Variants in AUTS2 observed in about 807,000 individuals in gnomAD.
AUTS2 encodes the protein autism susceptibility gene 2 protein.
A neutral mutation model predicts 112.4 loss-of-function variants in AUTS2; 17 were observed. The ratio of observed to expected loss-of-function variants is 0.15; its 90% confidence interval spans 0.10 to 0.23. AUTS2 has a LOEUF of 0.23. Among genes scored for constraint, AUTS2 ranks in the 10% least tolerant of loss-of-function variants. The pLI is 1.00. For synonymous variants in AUTS2, 751 were observed against 702.7 expected (o/e 1.07, Z -1.09); for missense variants, 1,510 against 1,701.6 (o/e 0.89, Z 1.98).
At chr7:70,438,431 C>T (rs1042868756) in intron 5 of AUTS2, among the ~76,000 whole-genome samples, 2 of 152,156 alleles carry the variant, frequency 1.3e-5, no homozygotes, top group African/African-American at 2.4e-5. Context: ...TTCCTTTCTA[C>T]TGTGGTGATC....
At chr7:70,598,768 C>T (rs1803323940) in intron 5 of AUTS2, among the ~76,000 whole-genome samples, 1 of 152,144 alleles carries the variant, frequency 6.6e-6, no homozygotes. Context: ...TTTCCAAATT[C>T]CCTTTTTTTT....
At chr7:70,487,666 T>C (rs955038353) in intron 5 of AUTS2, among the ~76,000 whole-genome samples, 10 of 152,170 alleles carry the variant, frequency 6.6e-5, no homozygotes, top group Non-Finnish European at 1.2e-4. Flanking sequence ...TGAATAGGAA[T>C]GTGTGTTTGC....
chr7:70,363,465 G>GAAAAAAAAAAAAAAAAAAAAA (rs369462886), intron 4 of AUTS2, among the ~76,000 whole-genome samples: 1 of 110,774 alleles, frequency 9.0e-6, no homozygotes, highest in Non-Finnish European at 1.9e-5. Flanking sequence ...ATAAAAAAAA[G>GAAAAAAAAAAAAAAAAAAAAA]AAAAAAAAAA....
At chr7:70,608,439 A>G (rs536144371) in intron 5 of AUTS2, among the ~76,000 whole-genome samples, 1 of 152,300 alleles carries the variant, frequency 6.6e-6, no homozygotes, top group South Asian at 2.1e-4. Flanking sequence ...AAAAACTGGC[A>G]TCCTGTGGTT....
intron 1 of AUTS2, among the ~76,000 whole-genome samples, chr7:69,883,133 C>T (rs551300905): frequency 3.9e-5 from 6 of 152,198 alleles, no homozygotes; most frequent in South Asian, 4.2e-4. Flanking sequence ...CAGATGTAAC[C>T]GCCACCAATA....
chr7:69,806,614 G>C (rs1790320419), intron 1 of AUTS2, among the ~76,000 whole-genome samples: 1 of 152,098 alleles, frequency 6.6e-6, no homozygotes, highest in African/African-American at 2.4e-5. Flanking sequence ...GACTGCAGGT[G>C]TGCACTACCA....
intron 1 of AUTS2, among the ~76,000 whole-genome samples, chr7:69,751,675 A>T (rs1787743764): frequency 6.6e-6 from 1 of 152,196 alleles, no homozygotes; most frequent in South Asian, 2.1e-4. Context: ...TATAATAGTT[A>T]CTTGTTCGAT....
intron 5 of AUTS2, among the ~76,000 whole-genome samples, chr7:70,656,243 G>A (rs189300303): frequency 4.6e-5 from 7 of 152,062 alleles, no homozygotes; most frequent in East Asian, 1.9e-4. Context: ...TTCCTTTGCA[G>A]TACAGAAATA....
At chr7:69,812,189 G>A (rs1167641805) in intron 1 of AUTS2, among the ~76,000 whole-genome samples, 1 of 152,002 alleles carries the variant, frequency 6.6e-6, no homozygotes, top group Non-Finnish European at 1.5e-5. Flanking sequence ...ATAAACCCAT[G>A]ACAATACTGT....
At chr7:69,888,540 G>GATAT (rs60804022) in intron 1 of AUTS2, among the ~76,000 whole-genome samples, 11,416 of 98,658 alleles carry the variant, frequency 0.12, 779 homozygotes, top group Non-Finnish European at 0.15. Flanking sequence ...CAACATTGGG[G>GATAT]ATATATATAT....
intron 1 of AUTS2, among the ~76,000 whole-genome samples, chr7:69,602,038 ATATGTGTGTGTGTGTGTGTGTGTGTGTG>A (rs1174199431): frequency 4.0e-3 from 40 of 10,052 alleles, no homozygotes; most frequent in African/African-American, 0.015. Flanking sequence ...ATATATATAT[ATATGTGTGTGTGTGTGTGTGTGTGTGTG>A]TGTGTGTGTG....
At chr7:69,766,862 G>GT (rs1788443060) in intron 1 of AUTS2, among the ~76,000 whole-genome samples, 2 of 152,240 alleles carry the variant, frequency 1.3e-5, no homozygotes, top group African/African-American at 2.4e-5. Flanking sequence ...TTGGATAAGA[G>GT]TTGGAGTGGC....
chr7:69,901,302 C>A (rs1405733841), intron 2 of AUTS2, among the ~76,000 whole-genome samples: 1 of 151,954 alleles, frequency 6.6e-6, no homozygotes, highest in African/African-American at 2.4e-5. Context: ...CCCGCCCCAG[C>A]AGGGTAAGAA....
intron 1 of AUTS2, among the ~76,000 whole-genome samples, chr7:69,830,900 A>G (rs1164450445): frequency 6.6e-6 from 1 of 152,152 alleles, no homozygotes; most frequent in Non-Finnish European, 1.5e-5. Flanking sequence ...ACTTGAAGGT[A>G]TTGATTTGAG....
chr7:70,644,745 C>A (rs749833396), intron 5 of AUTS2, among the ~76,000 whole-genome samples: 1 of 152,288 alleles, frequency 6.6e-6, no homozygotes, highest in South Asian at 2.1e-4. Flanking sequence ...TTTGAAAGTG[C>A]CCTCTTCCTC....
intron 2 of AUTS2, among the ~76,000 whole-genome samples, chr7:69,945,790 C>A (rs1247116310): frequency 6.6e-6 from 1 of 152,102 alleles, no homozygotes; most frequent in Non-Finnish European, 1.5e-5. Flanking sequence ...TCCCATTTCC[C>A]TTGTCCTTGC....
chr7:69,859,673 G>T (rs1001750505), intron 1 of AUTS2, among the ~76,000 whole-genome samples: 1 of 152,168 alleles, frequency 6.6e-6, no homozygotes, highest in African/African-American at 2.4e-5. Context: ...TGAGCTAGTT[G>T]ACTTCAAGAG....
At chr7:70,207,547 C>G (rs1810632006) in intron 4 of AUTS2, among the ~76,000 whole-genome samples, 1 of 152,104 alleles carries the variant, frequency 6.6e-6, no homozygotes, top group South Asian at 2.1e-4. Flanking sequence ...CAAATTCTTG[C>G]TTCATCATTT....
chr7:69,670,894 T>C (rs1796291023), intron 1 of AUTS2, among the ~76,000 whole-genome samples: 1 of 152,166 alleles, frequency 6.6e-6, no homozygotes, highest in Non-Finnish European at 1.5e-5. Flanking sequence ...TTAGGGTTTC[T>C]ATTTGAATAG....
Sources: allele counts gnomAD v4.1 joint callset (sites outside exome capture counted in the v4.1 genomes callset), GRCh38; gene constraint gnomAD v4.1.1; transcripts MANE v1.5; gene names NCBI Gene and HGNC (gene_info 2026-07-23, HGNC 2026-07-21).